The following FNDC3B variants were observed in gnomAD, a reference collection of about 807,000 sequenced individuals.
FNDC3B encodes the protein fibronectin type III domain-containing protein 3B.
In FNDC3B, 12 loss-of-function variants were observed where a neutral mutation model predicts 151.5. The ratio of observed to expected loss-of-function variants is 0.08; its 90% CI spans 0.05 to 0.13. The LOEUF (loss-of-function observed/expected upper bound fraction) is 0.13, where lower values mean the gene tolerates loss of function less well. Among genes scored for constraint, FNDC3B ranks in the 10% least tolerant of loss-of-function variants. FNDC3B has a pLI of 1.00. For missense variants in FNDC3B, 1,214 were observed against 1,505.3 expected, an observed-to-expected ratio of 0.81 and a Z score of 3.20; for synonymous variants, 528 against 549.0, an observed-to-expected ratio of 0.96 and a Z score of 0.54.
chr3:172,400,563 A>G lies in FNDC3B; in HGVS notation c.*3088A>G, dbSNP rs955871574. 9.8e-5 allele frequency: 15 copies of G among 152,618 alleles called. No individual in the cohort carries two copies. The highest frequency in any genetic ancestry group is 3.6e-4 in the African/African-American group (15 of 41,452). The allele number at this position is 152,618 out of a possible 1,614,324, so 9.5% of individuals were successfully genotyped here. A position where few individuals can be genotyped will look rare whatever the true frequency, so the allele number is the denominator to read the frequency against. ...TATTGTAAATTTTAGACTATTTCAT[A>G]TACATTGTATTAAAACTGCCATATC... On this transcript the variant is annotated 3_prime_UTR_variant, in exon 26 of 26. Transcript: ENST00000415807.
chr3:172,106,523 A>G (rs766874558), intron 1 of FNDC3B, among the ~76,000 whole-genome samples: 10 of 152,216 alleles, frequency 6.6e-5, no homozygotes, highest in Non-Finnish European at 1.5e-5. Context: ...TTTGAAATTA[A>G]TTTGCGTACT....
intron 3 of FNDC3B, 42 bp downstream of exon 3, chr3:172,133,588 TC>T: frequency 5.6e-6 from 8 of 1,419,858 alleles, no homozygotes; most frequent in Non-Finnish European, 8.0e-6. Context: ...AAGATTTTTT[TC>T]TTTATTTGAA....
At position 172,355,519 on chromosome 3, in the gene FNDC3B, G is replaced by A. The variant is rs528314672; in HGVS notation, c.2795+2436G>A. Among the ~76,000 whole-genome samples the A allele has an allele frequency of 3.9e-5, 6 of 152,130 alleles. 1 individual carries two copies. The highest frequency in any genetic ancestry group is 6.3e-3 in the Middle Eastern group (2 of 316). ...AACCTACTTAATTAGAAAATCTAGG[G>A]GGGGGGCCTAGCACTTGGTGCTTTA... On this transcript the variant is annotated intron_variant, in intron 22 of 25. Transcript: ENST00000415807.
chr3:172,236,212 ATTTGATT>A (rs973648001), intron 4 of FNDC3B, among the ~76,000 whole-genome samples: 8 of 152,264 alleles, frequency 5.3e-5, no homozygotes, highest in Admixed American at 1.3e-4. Flanking sequence ...GCAGGATTAG[ATTTGATT>A]TTTGATTTTT....
At chr3:172,143,950 A>G (rs1442237627) in intron 3 of FNDC3B, among the ~76,000 whole-genome samples, 4 of 143,148 alleles carry the variant, frequency 2.8e-5, no homozygotes, top group Non-Finnish European at 6.1e-5. Flanking sequence ...TAAATAAATA[A>G]ATAGTAAATG....
At chr3:172,328,131 T>A (rs1278800973) in intron 11 of FNDC3B, among the ~76,000 whole-genome samples, 1 of 152,212 alleles carries the variant, frequency 6.6e-6, no homozygotes, top group Non-Finnish European at 1.5e-5. Flanking sequence ...CTAGAGTGTT[T>A]TATTTTTACT....
intron 2 of FNDC3B, among the ~76,000 whole-genome samples, chr3:172,120,575 G>GGT (rs559698064): frequency 2.0e-4 from 31 of 151,280 alleles, no homozygotes; most frequent in African/African-American, 7.3e-4. Context: ...CATGGGGGGG[G>GGT]GTGTGTGTGT....
At chr3:172,142,397 A>C (rs1180813697) in intron 3 of FNDC3B, among the ~76,000 whole-genome samples, 1 of 152,252 alleles carries the variant, frequency 6.6e-6, no homozygotes, top group East Asian at 1.9e-4. Flanking sequence ...AGGCTTGTTA[A>C]ACAATGATTA....
intron 8 of FNDC3B, among the ~76,000 whole-genome samples, chr3:172,296,596 T>G (rs953346554): frequency 1.3e-5 from 2 of 152,196 alleles, no homozygotes; most frequent in African/African-American, 4.8e-5. Context: ...CTGATAACAC[T>G]CCAGGGATTC....
At chr3:172,320,357 G>A (rs149325302) in intron 11 of FNDC3B, among the ~76,000 whole-genome samples, 3,922 of 152,174 alleles carry the variant, frequency 0.026, 148 homozygotes, top group African/African-American at 0.078. Context: ...TCCAGCCTGG[G>A]TGACAGGGTG....
intron 3 of FNDC3B, among the ~76,000 whole-genome samples, chr3:172,198,138 A>T (rs912714712): frequency 6.6e-6 from 1 of 152,130 alleles, no homozygotes; most frequent in South Asian, 2.1e-4. Flanking sequence ...CTTTGAGCAC[A>T]TCTTTTCTGG....
intron 8 of FNDC3B, among the ~76,000 whole-genome samples, chr3:172,297,664 C>T (rs9820562): frequency 0.22 from 33,067 of 151,904 alleles, 3,865 homozygotes; most frequent in South Asian, 0.38. Flanking sequence ...TTAGTAGAGA[C>T]GGGGTTTCAC....
intron 1 of FNDC3B, among the ~76,000 whole-genome samples, chr3:172,057,052 A>C (rs1221933613): frequency 6.6e-6 from 1 of 152,186 alleles, no homozygotes; most frequent in Non-Finnish European, 1.5e-5. Flanking sequence ...TGCCCCTTTA[A>C]AGAGAGGTTG....
At chr3:172,238,528 C>T (rs1727286458) in intron 4 of FNDC3B, among the ~76,000 whole-genome samples, 1 of 152,166 alleles carries the variant, frequency 6.6e-6, no homozygotes, top group African/African-American at 2.4e-5. Flanking sequence ...CTATAAAACT[C>T]TTTTGTTGCC....
chr3:172,360,162 A>G (rs984568044), intron 22 of FNDC3B, among the ~76,000 whole-genome samples: 3 of 152,328 alleles, frequency 2.0e-5, no homozygotes, highest in Admixed American at 1.3e-4. Context: ...CTTTTTTAAC[A>G]TAATGGTATT....
Position 172,346,277 on chromosome 3 carries a change from A to T in FNDC3B, c.2251-50A>T, listed in dbSNP as rs376420622. On this transcript the variant is annotated intron_variant, in intron 19 of 25. Coordinates refer to ENST00000415807, the MANE Select transcript of FNDC3B (RefSeq NM_022763.4). ...CTTTTGTATGCACACACATTCACAA[A>T]CACATACACGCATATATACATACGT... 6.6e-6 allele frequency: 7 copies of T among 1,064,234 alleles called. No individual in the cohort carries two copies. In the Admixed American group the frequency reaches 1.4e-4, roughly 22 times the overall value. The allele number at this position is 1,064,234 out of a possible 1,614,324, so 65.9% of individuals were successfully genotyped here.
At chr3:172,330,846 C>G in intron 13 of FNDC3B, 131 bp downstream of exon 13, 1 of 659,182 alleles carries the variant, frequency 1.5e-6, no homozygotes, top group Non-Finnish European at 2.6e-6. Context: ...TCTGTCACCA[C>G]CACTACCAAC....
intron 10 of FNDC3B, among the ~76,000 whole-genome samples, chr3:172,307,818 G>C (rs181097750): frequency 1.8e-4 from 27 of 152,294 alleles, no homozygotes; most frequent in African/African-American, 6.0e-4. Flanking sequence ...TGTCATTTCT[G>C]TAAGAGTTGG....
intron 9 of FNDC3B, among the ~76,000 whole-genome samples, chr3:172,305,818 G>A (rs1407977725): frequency 6.6e-6 from 1 of 152,180 alleles, no homozygotes; most frequent in African/African-American, 2.4e-5. Flanking sequence ...TTCATTTAAA[G>A]TAACTTACTC....
Sources: allele counts gnomAD v4.1 joint callset (sites outside exome capture counted in the v4.1 genomes callset), GRCh38; gene constraint gnomAD v4.1.1; transcripts MANE v1.5; gene names NCBI Gene and HGNC (gene_info 2026-07-23, HGNC 2026-07-21).